Variants in PRKAR2B observed in about 807,000 individuals in gnomAD.
PRKAR2B encodes cAMP-dependent protein kinase type II-beta regulatory subunit.
In PRKAR2B, 14 loss-of-function variants were observed where a neutral mutation model predicts 49.9. The observed-to-expected ratio is 0.28, with a 90% CI of 0.19 to 0.44. PRKAR2B has a LOEUF of 0.44. Among genes scored for constraint, PRKAR2B ranks in the 20% least tolerant of loss-of-function variants. The pLI, the probability that PRKAR2B is intolerant of heterozygous loss-of-function variation, is 1.00. For missense variants in PRKAR2B, 393 were observed against 537.9 expected (o/e 0.73, Z 2.67); for synonymous variants, 196 against 197.7 (o/e 0.99, Z 0.07).
chr7:107,057,766 TA>T lies in PRKAR2B; in HGVS notation c.308-12506del, dbSNP rs143499269. 9.2e-4 allele frequency among the ~76,000 whole-genome samples: 138 copies of T among 150,762 alleles called. 1 individual carries two copies. In the Middle Eastern group the frequency reaches 0.014, roughly 15 times the overall value. On this transcript the variant is annotated intron_variant, in intron 1 of 10. Coordinates refer to ENST00000265717, the MANE Select transcript of PRKAR2B (RefSeq NM_002736.3). ...GCATACGCTAAGCATTAATGTGTGTTAAAAAAAAACACAACAAAACCAAAAG... is the reference window on the plus strand; with the variant it reads ...GCATACGCTAAGCATTAATGTGTGTTAAAAAAAACACAACAAAACCAAAAG...
intron 2 of PRKAR2B, among the ~76,000 whole-genome samples, chr7:107,109,296 G>A (rs184631547): frequency 7.9e-5 from 12 of 152,104 alleles, no homozygotes; most frequent in Admixed American, 6.6e-4. Context: ...TTTTCACTTT[G>A]TTGCCCAGGC....
chr7:107,141,015 T>C, intron 5 of PRKAR2B, 62 bp downstream of exon 5: 1 of 1,209,110 alleles, frequency 8.3e-7, no homozygotes, highest in Non-Finnish European at 1.2e-6. Flanking sequence ...ATCTCAACCA[T>C]TATTACGGCA....
chr7:107,085,596 A>AC (rs1794604235), intron 2 of PRKAR2B, among the ~76,000 whole-genome samples: 1 of 152,160 alleles, frequency 6.6e-6, no homozygotes, highest in Non-Finnish European at 1.5e-5. Context: ...AAATAGCCAT[A>AC]CCTAATAGTT....
intron 5 of PRKAR2B, 73 bp from the exon 6 acceptor site, chr7:107,146,235 T>C (rs1038872992): frequency 3.9e-5 from 56 of 1,440,484 alleles, no homozygotes; most frequent in Non-Finnish European, 5.2e-5. Context: ...TTCACAGGGC[T>C]CTTTTCTGAA....
At chr7:107,144,647 G>T (rs941388203) in intron 5 of PRKAR2B, among the ~76,000 whole-genome samples, 2 of 151,758 alleles carry the variant, frequency 1.3e-5, no homozygotes, top group Non-Finnish European at 2.9e-5. Flanking sequence ...TTTTTGTAGA[G>T]ACAGAGTCTT....
chr7:107,045,316 C>G, intron 1 of PRKAR2B, 102 bp downstream of exon 1: 1 of 1,007,174 alleles, frequency 9.9e-7, no homozygotes, highest in African/African-American at 1.7e-5. Context: ...ACCCACCTCT[C>G]CCCGCATTCT....
At chr7:107,070,455 A>G (rs1296442995) in intron 2 of PRKAR2B, 139 bp downstream of exon 2, 4 of 695,952 alleles carry the variant, frequency 5.7e-6, no homozygotes, top group Admixed American at 3.2e-5. Flanking sequence ...AAACACAACT[A>G]TCTGATATAA....
chr7:107,110,919 C>G (rs1001183585), intron 2 of PRKAR2B, among the ~76,000 whole-genome samples: 29 of 151,982 alleles, frequency 1.9e-4, no homozygotes, highest in African/African-American at 4.6e-4. Context: ...GGATCTTGCA[C>G]CTTAGGTACT....
At chr7:107,081,437 A>T (rs1794512573) in intron 2 of PRKAR2B, among the ~76,000 whole-genome samples, 1 of 132,636 alleles carries the variant, frequency 7.5e-6, no homozygotes, top group African/African-American at 3.0e-5. Context: ...TGACCCAGCT[A>T]CTTCTTTGGA....
intron 2 of PRKAR2B, among the ~76,000 whole-genome samples, chr7:107,097,479 C>G (rs1794864511): frequency 6.6e-6 from 1 of 152,102 alleles, no homozygotes; most frequent in Non-Finnish European, 1.5e-5. Flanking sequence ...CAGTCTGTGT[C>G]TTTTAATTGG....
chr7:107,062,730 A>T (rs1453205778), intron 1 of PRKAR2B, among the ~76,000 whole-genome samples: 1 of 151,962 alleles, frequency 6.6e-6, no homozygotes, highest in African/African-American at 2.4e-5. Context: ...AAATGTGGAC[A>T]CTCTTGAAAT....
chr7:107,048,897 C>T (rs888047638), intron 1 of PRKAR2B, among the ~76,000 whole-genome samples: 8 of 152,256 alleles, frequency 5.3e-5, no homozygotes, highest in Admixed American at 3.9e-4. Context: ...TTATGGTGAC[C>T]CTTTCTAGGG....
chr7:107,113,904 C>T (rs1795218918), intron 2 of PRKAR2B, among the ~76,000 whole-genome samples: 1 of 152,132 alleles, frequency 6.6e-6, no homozygotes, highest in South Asian at 2.1e-4. Context: ...GCACGGGCTA[C>T]TCATGATGTA....
At chr7:107,108,817 A>C (rs927814039) in intron 2 of PRKAR2B, among the ~76,000 whole-genome samples, 1 of 152,084 alleles carries the variant, frequency 6.6e-6, no homozygotes, top group African/African-American at 2.4e-5. Flanking sequence ...TTATTCCTTC[A>C]TGGTTGCCAG....
intron 5 of PRKAR2B, among the ~76,000 whole-genome samples, chr7:107,142,971 C>T (rs775802137): frequency 2.0e-5 from 3 of 152,106 alleles, no homozygotes; most frequent in Admixed American, 6.6e-5. Context: ...CCATGTTGGT[C>T]GGGCTGGTCT....
At chr7:107,106,286 C>T (rs1054244915) in intron 2 of PRKAR2B, among the ~76,000 whole-genome samples, 8 of 152,312 alleles carry the variant, frequency 5.3e-5, no homozygotes, top group African/African-American at 1.9e-4. Context: ...GGTAATCCCA[C>T]TGAAGGTCTG....
At position 107,146,291 on chromosome 7, in the gene PRKAR2B, C is replaced by A; in HGVS notation, c.588-17C>A. ...TATTTTATTTGAATTAACCTCCAAT[C>A]TACATATGTCCAACAGAGGCACATT... On this transcript the variant is annotated splice_polypyrimidine_tract_variant and intron_variant, in intron 5 of 10. Coordinates refer to ENST00000265717, the MANE Select transcript of PRKAR2B (RefSeq NM_002736.3). 6 of 1,606,868 alleles carry A rather than the reference C, an allele frequency of 3.7e-6. No individual in the cohort carries two copies. Among genetic ancestry groups the A allele is most frequent in the Non-Finnish European group, 4.3e-6 (5 of 1,175,276 alleles).
chr7:107,126,420 C>CAA lies in PRKAR2B; in HGVS notation c.397-1770_397-1769dup, dbSNP rs35682952. On this transcript the variant is annotated intron_variant, in intron 3 of 10. Coordinates refer to ENST00000265717, the MANE Select transcript of PRKAR2B (RefSeq NM_002736.3). ...TGGGCAACAGAGTGAGAATCTGTCT[C>CAA]AAAAAAAAAAAAAAAAAAAAAAAGT... 7.9e-3 allele frequency among the ~76,000 whole-genome samples: 287 copies of CAA among 36,494 alleles called. 8 individuals carry two copies. Among genetic ancestry groups the CAA allele is most frequent in the African/African-American group, 0.014 (127 of 9,266 alleles). 23.9% of individuals were successfully genotyped at this position (36,494 alleles called of 152,430 possible).
At chr7:107,159,241 C>T (rs1056133440) in intron 10 of PRKAR2B, among the ~76,000 whole-genome samples, 3 of 152,182 alleles carry the variant, frequency 2.0e-5, no homozygotes, top group African/African-American at 4.8e-5. Context: ...TGCCGAGGGA[C>T]TGCAGAGTGT....
Sources: allele counts gnomAD v4.1 joint callset (sites outside exome capture counted in the v4.1 genomes callset), GRCh38; gene constraint gnomAD v4.1.1; transcripts MANE v1.5; gene names NCBI Gene and HGNC (gene_info 2026-07-23, HGNC 2026-07-21).